DCAF5: variants seen among roughly 807,000 people sequenced by gnomAD.
DCAF5 encodes the protein DDB1 and CUL4 associated factor 5, also known as DDB1- and CUL4-associated factor 5.
Under a neutral mutation model 80.7 loss-of-function variants are expected in DCAF5, and 9 were observed. The observed-to-expected ratio is 0.11, with a 90% CI of 0.07 to 0.19. The LOEUF (loss-of-function observed/expected upper bound fraction) is 0.19, where lower values mean the gene tolerates loss of function less well. Ranked by LOEUF, DCAF5 falls within the 10% of genes least tolerant of loss-of-function variation. The pLI is 1.00. For synonymous variants in DCAF5, 433 were observed against 461.9 expected, an observed-to-expected ratio of 0.94 and a Z score of 0.80; for missense variants, 842 against 1,205.7, an observed-to-expected ratio of 0.70 and a Z score of 4.47.
intron 1 of DCAF5, among the ~76,000 whole-genome samples, chr14:69,136,655 G>A (rs1316708693): frequency 6.6e-6 from 1 of 152,016 alleles, no homozygotes; most frequent in Non-Finnish European, 1.5e-5. Flanking sequence ...CAACCCAGAT[G>A]ATGTTTCCCC....
rs1376292711 is a variant in DCAF5, at chr14:69,084,401, G to A, written c.879+7273C>T. ...TGAAGCTGATCGTATCTTGGATGTT[G>A]AGTTTGAAGAGGAATTAAAACAAAT... On this transcript the variant is annotated intron_variant, in intron 6 of 8. Coordinates refer to ENST00000341516, the MANE Select transcript of DCAF5 (RefSeq NM_003861.3). 8.9e-6 allele frequency: 8 copies of A among 902,698 alleles called. No individual in the cohort carries two copies. In the East Asian group the frequency reaches 1.2e-4, roughly 14 times the overall value. 55.9% of individuals were successfully genotyped at this position (902,698 alleles called of 1,614,324 possible).
intron 4 of DCAF5, among the ~76,000 whole-genome samples, chr14:69,117,122 C>A (rs758163575): frequency 2.0e-5 from 3 of 152,132 alleles, no homozygotes; most frequent in African/African-American, 7.2e-5. Flanking sequence ...GGATATACTC[C>A]TATGGGACCT....
At chr14:69,064,709 T>G (rs1057487758) in intron 7 of DCAF5, among the ~76,000 whole-genome samples, 2 of 152,222 alleles carry the variant, frequency 1.3e-5, no homozygotes, top group African/African-American at 4.8e-5. Context: ...GAGCACAAGC[T>G]CTACAGCATT....
intron 5 of DCAF5, among the ~76,000 whole-genome samples, chr14:69,098,307 T>C (rs2039809506): frequency 6.6e-6 from 1 of 152,166 alleles, no homozygotes; most frequent in Non-Finnish European, 1.5e-5. Flanking sequence ...TATTCAAATA[T>C]CCTCCTCAAT....
At chr14:69,105,817 A>G (rs2040117813) in intron 5 of DCAF5, among the ~76,000 whole-genome samples, 1 of 148,606 alleles carries the variant, frequency 6.7e-6, no homozygotes, top group Non-Finnish European at 1.5e-5. Flanking sequence ...TTCAGACTTG[A>G]ACTGACCACT....
intron 6 of DCAF5, chr14:69,090,242 C>G (rs2139963639): frequency 2.6e-6 from 1 of 377,928 alleles, no homozygotes; most frequent in East Asian, 1.6e-4. Context: ...CTAAATCAAC[C>G]ATTCTGTATA....
chr14:69,153,050 C>G lies in DCAF5; in HGVS notation c.-72G>C, dbSNP rs538886137. The G allele has an allele frequency of 1.8e-4, 214 of 1,211,692 alleles. No homozygotes were observed. The highest frequency in any genetic ancestry group is 1.7e-3 in the East Asian group (57 of 33,350). 75.1% of individuals were successfully genotyped at this position (1,211,692 alleles called of 1,614,324 possible). A position where few individuals can be genotyped will look rare whatever the true frequency, so the allele number is the denominator to read the frequency against. ...CCTCACGCGCGGCCGCTGCTCCCCC[C>G]ACCCGGCCCTCCCCCCGCGCTGCGA... On this transcript the variant is annotated 5_prime_UTR_variant, in exon 1 of 9. Transcript: ENST00000341516.
At chr14:69,109,320 CAG>C (rs961728100) in intron 5 of DCAF5, among the ~76,000 whole-genome samples, 3 of 144,036 alleles carry the variant, frequency 2.1e-5, no homozygotes, top group African/African-American at 5.2e-5. Flanking sequence ...GCCTGGGAGA[CAG>C]AGCAAAACTC....
chr14:69,084,699 A>T, intron 6 of DCAF5: 2 of 1,291,004 alleles, frequency 1.5e-6, no homozygotes. Context: ...GTGAAATACC[A>T]CTATGAGTTG....
intron 1 of DCAF5, among the ~76,000 whole-genome samples, chr14:69,139,766 G>A (rs1243983685): frequency 2.0e-5 from 3 of 149,362 alleles, no homozygotes; most frequent in African/African-American, 7.4e-5. Context: ...CAGTGAGTGA[G>A]ATCACACCAC....
At chr14:69,095,470 C>T (rs1450978019) in intron 5 of DCAF5, among the ~76,000 whole-genome samples, 1 of 152,186 alleles carries the variant, frequency 6.6e-6, no homozygotes, top group Admixed American at 6.5e-5. Context: ...AAAGCAAGAA[C>T]ACCTCAGAAC....
chr14:69,147,421 T>C (rs992652626), intron 1 of DCAF5, among the ~76,000 whole-genome samples: 4 of 152,186 alleles, frequency 2.6e-5, no homozygotes, highest in African/African-American at 9.7e-5. Flanking sequence ...ATTTTACAAA[T>C]GTTATTTCAT....
Position 69,077,669 on chromosome 14 carries a change from G to T in DCAF5, c.880-2258C>A, listed in dbSNP as rs980467656. 4.6e-5 allele frequency among the ~76,000 whole-genome samples: 7 copies of T among 152,054 alleles called. No homozygotes were observed. In the East Asian group the frequency reaches 1.3e-3, roughly 29 times the overall value. ...TTGGGATTATAGGAATAGGCTACAC[G>T]CCTAGCCAGGTCTAGAGTTTTCTAA... is the stretch of plus-strand genomic sequence containing the variant. On this transcript the variant is annotated intron_variant, in intron 6 of 8. Coordinates refer to ENST00000341516, the MANE Select transcript of DCAF5 (RefSeq NM_003861.3).
intron 8 of DCAF5, among the ~76,000 whole-genome samples, chr14:69,058,166 T>C (rs12431846): frequency 0.31 from 46,547 of 152,114 alleles, 9,490 homozygotes; most frequent in East Asian, 0.91. Flanking sequence ...GTAATCTCTT[T>C]ACACTGGAAA....
At chr14:69,148,232 C>A (rs920260495) in intron 1 of DCAF5, among the ~76,000 whole-genome samples, 1 of 152,012 alleles carries the variant, frequency 6.6e-6, no homozygotes, top group Non-Finnish European at 1.5e-5. Flanking sequence ...AAGGGTAAAC[C>A]CAAGATATCC....
At chr14:69,076,432 C>T (rs1281632062) in intron 6 of DCAF5, among the ~76,000 whole-genome samples, 1 of 152,198 alleles carries the variant, frequency 6.6e-6, no homozygotes, top group Non-Finnish European at 1.5e-5. Flanking sequence ...TGTGGTAATA[C>T]ATACAATGGA....
intron 6 of DCAF5, among the ~76,000 whole-genome samples, chr14:69,076,162 T>C (rs970905395): frequency 3.3e-5 from 5 of 149,558 alleles, no homozygotes; most frequent in Admixed American, 1.3e-4. Context: ...GTGGAGAAAG[T>C]GAGAACCCTT....
At chr14:69,089,659 G>A (rs1291832449) in intron 6 of DCAF5, 1 of 152,194 alleles carries the variant, frequency 6.6e-6, no homozygotes, top group Non-Finnish European at 1.5e-5. Flanking sequence ...ACCTTCTGTG[G>A]CTCTGCCTAT....
rs2037750457 is a variant in DCAF5, at chr14:69,051,230, A to G, written c.*2627T>C. The G allele has an allele frequency of 6.6e-6, 1 of 152,584 alleles. No homozygotes were observed. The highest frequency in any genetic ancestry group is 6.5e-5 in the Admixed American group (1 of 15,286). 9.5% of individuals were successfully genotyped at this position (152,584 alleles called of 1,614,324 possible). On this transcript the variant is annotated 3_prime_UTR_variant, in exon 9 of 9. Transcript: ENST00000341516. ...GGAAAAAAACATAAGAGGCACTTCC[A>G]AATAGTTCTTGATCTAATCAGTGCC...
Sources: allele counts gnomAD v4.1 joint callset (sites outside exome capture counted in the v4.1 genomes callset), GRCh38; gene constraint gnomAD v4.1.1; transcripts MANE v1.5; gene names NCBI Gene and HGNC (gene_info 2026-07-23, HGNC 2026-07-21).